Variants in SIGLECL1 observed in about 807,000 individuals in gnomAD.
SIGLECL1 encodes SIGLEC family like 1.
Under a neutral mutation model 19.1 loss-of-function variants are expected in SIGLECL1, and 16 were observed. The observed-to-expected ratio is 0.84, with a 90% confidence interval of 0.57 to 1.27. The LOEUF (loss-of-function observed/expected upper bound fraction) is 1.27. SIGLECL1 is among the 50% of genes most tolerant of loss of function. The probability of loss-of-function intolerance (pLI) is 0.00; values close to 1 mark genes in which losing one functional copy is unlikely to be tolerated. For missense variants in SIGLECL1, 210 were observed against 239.4 expected (o/e 0.88, Z 0.81); for synonymous variants, 89 against 90.4 (o/e 0.98, Z 0.09).
At chr19:51,263,650 C>G (rs147669208) in intron 1 of SIGLECL1, among the ~76,000 whole-genome samples, 1 of 152,096 alleles carries the variant, frequency 6.6e-6, no homozygotes, top group East Asian at 1.9e-4. Flanking sequence ...TCCAGCTACT[C>G]GGGAGGCTAA....
At chr19:51,255,711 C>T (rs980079037) in intron 1 of SIGLECL1, among the ~76,000 whole-genome samples, 1 of 152,132 alleles carries the variant, frequency 6.6e-6, no homozygotes, top group East Asian at 1.9e-4. Flanking sequence ...CACTAATCAT[C>T]AGAGAAATGC....
rs1255888013 is a variant in SIGLECL1 at position 51,251,156 on chromosome 19, G to C, written c.-580G>C. 1 of 152,326 alleles carries C rather than the reference G, an allele frequency of 6.6e-6. No individual in the cohort carries two copies. Among genetic ancestry groups the C allele is most frequent in the African/African-American group, 2.4e-5 (1 of 41,482 alleles). The allele number at this position is 152,326 out of a possible 1,614,324, so 9.4% of individuals were successfully genotyped here. The stretch of plus-strand genomic sequence containing the variant: ...CTCACGCCGCTATCTCTGTGCAGCC[G>C]ACTGAGGATCCCTAGTCGCATAAGG... On this transcript the variant is annotated 5_prime_UTR_variant, in exon 1 of 6. Coordinates refer to ENST00000601727, the MANE Select transcript of SIGLECL1 (RefSeq NM_001385465.1).
At chr19:51,246,719 C>T (rs1056032020), upstream of SIGLECL1, among the ~76,000 whole-genome samples, 1 of 152,088 alleles carries the variant, frequency 6.6e-6, no homozygotes. Context: ...TAACAGGACC[C>T]GTTTAGGATT....
At chr19:51,259,668 C>T (rs1983070927) in intron 1 of SIGLECL1, among the ~76,000 whole-genome samples, 1 of 152,182 alleles carries the variant, frequency 6.6e-6, no homozygotes. Flanking sequence ...CTGAAATCCT[C>T]ATGATGTGTT....
At chr19:51,247,631 C>A (rs140849439), upstream of SIGLECL1, among the ~76,000 whole-genome samples, 2 of 152,148 alleles carry the variant, frequency 1.3e-5, no homozygotes, top group African/African-American at 4.8e-5. Context: ...GTTAATCAGG[C>A]GGTCTCGAAC....
intron 4 of SIGLECL1, among the ~76,000 whole-genome samples, chr19:51,266,812 C>T (rs1983710942): frequency 6.6e-6 from 1 of 152,128 alleles, no homozygotes. Flanking sequence ...GGAGCCTGTC[C>T]AGACAGCTTG....
chr19:51,265,327 G>A, intron 2 of SIGLECL1, 41 bp from the exon 3 acceptor site: 1 of 1,559,342 alleles, frequency 6.4e-7, no homozygotes, highest in Non-Finnish European at 8.7e-7. Flanking sequence ...GAAGAGGGAA[G>A]CCAGGATGCC....
upstream of SIGLECL1, among the ~76,000 whole-genome samples, chr19:51,250,703 A>G (rs1322008502): frequency 6.6e-6 from 1 of 152,230 alleles, no homozygotes; most frequent in African/African-American, 2.4e-5. Flanking sequence ...CGGGCTGGAA[A>G]GGCCTTGCTG....
intron 1 of SIGLECL1, among the ~76,000 whole-genome samples, chr19:51,261,133 T>C (rs1295706176): frequency 6.6e-6 from 1 of 152,232 alleles, no homozygotes; most frequent in African/African-American, 2.4e-5. Flanking sequence ...ACTTTATTCC[T>C]GTTAATGTCA....
At chr19:51,251,675 C>T (rs1982491187) in intron 1 of SIGLECL1, 130 bp downstream of exon 1, 1 of 152,334 alleles carries the variant, frequency 6.6e-6, no homozygotes, top group African/African-American at 2.4e-5. Flanking sequence ...GTTAGTTAGG[C>T]TCCCGCTAAG....
At chr19:51,249,463 T>TAA (rs35477667), upstream of SIGLECL1, among the ~76,000 whole-genome samples, 14 of 145,642 alleles carry the variant, frequency 9.6e-5, no homozygotes, top group Admixed American at 3.4e-4. Context: ...TCTGTCACAT[T>TAA]AAAAAAAAAA....
In SIGLECL1 at chr19:51,265,037, T is replaced by G. The variant is rs1983534597; in HGVS notation, c.23-331T>G. 1.3e-5 allele frequency among the ~76,000 whole-genome samples: 2 copies of G among 152,130 alleles called. 1 individual carries two copies. The highest frequency in any genetic ancestry group is 1.3e-4 in the Admixed American group (2 of 15,268). ...TGGAGGGAGAATTGGTCATAGAGCC[T>G]AAGAGGAACATTGCAGGTGGGAAGA... On this transcript the variant is annotated intron_variant, in intron 2 of 5. Transcript: ENST00000601727.
At chr19:51,260,767 A>G (rs1013157271) in intron 1 of SIGLECL1, among the ~76,000 whole-genome samples, 10 of 152,156 alleles carry the variant, frequency 6.6e-5, no homozygotes. Flanking sequence ...TTTAACAGGC[A>G]TTTTGCTGGT....
intron 1 of SIGLECL1, among the ~76,000 whole-genome samples, chr19:51,257,032 A>G (rs1269484954): frequency 1.3e-5 from 2 of 152,150 alleles, no homozygotes; most frequent in African/African-American, 2.4e-5. Context: ...TCCAGTTTTC[A>G]TTTAAAGATT....
At position 51,264,006 on chromosome 19, in the gene SIGLECL1, T is replaced by G. The variant is rs544119121; in HGVS notation, c.-67T>G. The G allele has an allele frequency of 6.3e-7, 1 of 1,587,358 alleles. No homozygotes were observed. On this transcript the variant is annotated 5_prime_UTR_variant, in exon 2 of 6. Transcript: ENST00000601727. ...ACCTCACTCCTTCTGAACCATATGG[T>G]TCTGATGTCAGAGCCAGTGTAGTAA... is the stretch of plus-strand genomic sequence containing the variant.
At chr19:51,267,238 G>T (rs1983748985) in intron 4 of SIGLECL1, 135 bp from the exon 5 acceptor site, 1 of 1,029,144 alleles carries the variant, frequency 9.7e-7, no homozygotes, top group African/African-American at 1.6e-5. Flanking sequence ...GAGAGGATGT[G>T]TGGCTTGCCC....
At chr19:51,250,397 T>C (rs1189063837), upstream of SIGLECL1, among the ~76,000 whole-genome samples, 2 of 152,136 alleles carry the variant, frequency 1.3e-5, no homozygotes, top group Non-Finnish European at 2.9e-5. Flanking sequence ...GCTGGTTTCT[T>C]TACTGCAACC....
At position 51,265,843 on chromosome 19, in the gene SIGLECL1, T is replaced by G. The variant is rs1983625364; in HGVS notation, c.371T>G (p.Ile124Ser). The G allele has an allele frequency of 6.2e-7, 1 of 1,614,086 alleles. No homozygotes were observed. Among genetic ancestry groups the G allele is most frequent in the East Asian group, 2.2e-5 (1 of 44,870 alleles). ...ATCCAGGGTGCTATCTATGCGGGAA[T>G]TGTAATTGCGCTGCTCTTCCTCTGC... ...GLIQGAIYAG[I>S]VIALLFLCLL... Residue 124 changes from isoleucine (I) to serine (S), a missense_variant, in exon 4 of 6, where the codon ATT becomes AGT. Ile to Ser is a moderately radical substitution (Grantham distance 142). Transcript: ENST00000601727.
chr19:51,266,568 G>T (rs963805116), intron 4 of SIGLECL1, among the ~76,000 whole-genome samples: 1 of 151,624 alleles, frequency 6.6e-6, no homozygotes, highest in Admixed American at 6.6e-5. Context: ...AGGCATTTCA[G>T]ATAAGGGATA....
Sources: allele counts gnomAD v4.1 joint callset (sites outside exome capture counted in the v4.1 genomes callset), GRCh38; gene constraint gnomAD v4.1.1; transcripts MANE v1.5; gene names NCBI Gene and HGNC (gene_info 2026-07-23, HGNC 2026-07-21).